RGS6: variants seen among roughly 807,000 people sequenced by gnomAD.
RGS6 encodes the protein regulator of G protein signaling 6, also known as regulator of G-protein signaling 6.
A neutral mutation model predicts 78.5 loss-of-function variants in RGS6; 30 were observed. That is an observed-to-expected ratio of 0.38 (90% confidence interval 0.29 to 0.52). The LOEUF (loss-of-function observed/expected upper bound fraction) is 0.52. Ranked by LOEUF, RGS6 falls within the 20% of genes least tolerant of loss-of-function variation. The probability of loss-of-function intolerance (pLI) is 0.85; values close to 1 mark genes in which losing one functional copy is unlikely to be tolerated. For missense variants in RGS6, 495 were observed against 609.7 expected (o/e 0.81, Z 1.98); for synonymous variants, 206 against 206.0 (o/e 1.00, Z 0.00).
chr14:72,348,959 G>A (rs914542985), intron 2 of RGS6, among the ~76,000 whole-genome samples: 2 of 152,128 alleles, frequency 1.3e-5, no homozygotes, highest in East Asian at 1.9e-4. Context: ...AAGGTCAGGA[G>A]ATCGAGACCA....
At chr14:72,496,840 C>T (rs2096651299) in intron 13 of RGS6, among the ~76,000 whole-genome samples, 1 of 151,646 alleles carries the variant, frequency 6.6e-6, no homozygotes, top group South Asian at 2.1e-4. Flanking sequence ...ATATATATAC[C>T]CAAATATGTA....
At chr14:72,389,213 T>A (rs2089246370) in intron 3 of RGS6, among the ~76,000 whole-genome samples, 1 of 152,152 alleles carries the variant, frequency 6.6e-6, no homozygotes. Context: ...GTGCTAATTG[T>A]CCCTGTCCCG....
At chr14:72,132,962 A>G (rs1344571079) in intron 2 of RGS6, among the ~76,000 whole-genome samples, 1 of 152,070 alleles carries the variant, frequency 6.6e-6, no homozygotes, top group Non-Finnish European at 1.5e-5. Context: ...TAGATGTTTA[A>G]ATCACGGTGG....
At chr14:72,342,623 G>A (rs1359153452) in intron 2 of RGS6, among the ~76,000 whole-genome samples, 1 of 149,512 alleles carries the variant, frequency 6.7e-6, no homozygotes, top group Non-Finnish European at 1.5e-5. Flanking sequence ...CCAGCTACTT[G>A]GGATGCTGAG....
intron 16 of RGS6, among the ~76,000 whole-genome samples, 171 bp from the exon 17 acceptor site, chr14:72,539,870 C>T (rs1232877889): frequency 2.6e-5 from 4 of 152,226 alleles, no homozygotes; most frequent in African/African-American, 9.6e-5. Context: ...CTGTCTCTCC[C>T]ATTGACTCTT....
intron 3 of RGS6, among the ~76,000 whole-genome samples, chr14:72,396,649 G>A (rs1043984144): frequency 2.6e-5 from 4 of 152,118 alleles, no homozygotes; most frequent in African/African-American, 9.7e-5. Context: ...TATTGCCTAG[G>A]TTTTCTTGTA....
At chr14:72,575,870 C>T in the RGS6 span, among the ~76,000 whole-genome samples, 170 of 152,332 alleles carry the variant, frequency 1.1e-3, no homozygotes, top group African/African-American at 3.8e-3. Flanking sequence ...CCTATCTGAG[C>T]CCCAGATCGA....
chr14:72,607,341 G>A, the RGS6 span, among the ~76,000 whole-genome samples: 1 of 152,216 alleles, frequency 6.6e-6, no homozygotes, highest in South Asian at 2.1e-4. Context: ...TCGGTGTCCA[G>A]CAAGGGCCTG....
chr14:72,071,775 G>A (rs2094416625), intron 2 of RGS6, among the ~76,000 whole-genome samples: 1 of 152,068 alleles, frequency 6.6e-6, no homozygotes, highest in Non-Finnish European at 1.5e-5. Context: ...TCTTCATATT[G>A]CTACATTTGA....
intron 2 of RGS6, among the ~76,000 whole-genome samples, chr14:72,166,093 GACACACAC>G (rs3055029): frequency 0.02 from 2,163 of 107,770 alleles, 25 homozygotes; most frequent in African/African-American, 0.05. Flanking sequence ...CCATTTTTGA[GACACACAC>G]ACACACACAC....
At chr14:72,273,764 T>C (rs1436041796) in intron 2 of RGS6, among the ~76,000 whole-genome samples, 1 of 152,212 alleles carries the variant, frequency 6.6e-6, no homozygotes, top group Non-Finnish European at 1.5e-5. Context: ...TTTGGGTGGC[T>C]GTGAGCAGAT....
intron 2 of RGS6, among the ~76,000 whole-genome samples, chr14:72,036,964 G>T (rs1443645244): frequency 3.9e-5 from 6 of 152,174 alleles, no homozygotes; most frequent in Admixed American, 3.9e-4. Flanking sequence ...GGTGTAGCCA[G>T]CTGGGCTTCT....
intron 2 of RGS6, among the ~76,000 whole-genome samples, chr14:71,978,969 A>C (rs907373544): frequency 6.8e-6 from 1 of 147,148 alleles, no homozygotes; most frequent in Admixed American, 6.8e-5. Context: ...CAGAGATTCA[A>C]CTTCTTCCTG....
intron 2 of RGS6, among the ~76,000 whole-genome samples, chr14:72,002,345 G>T (rs925549035): frequency 1.3e-5 from 2 of 152,180 alleles, no homozygotes; most frequent in Admixed American, 6.5e-5. Context: ...CTAAAGGTCA[G>T]ATTTTCCAGC....
At chr14:72,498,516 T>A (rs747107037) in intron 13 of RGS6, among the ~76,000 whole-genome samples, 3 of 152,202 alleles carry the variant, frequency 2.0e-5, no homozygotes, top group Non-Finnish European at 2.9e-5. Context: ...AGCCAATTAA[T>A]TCAGAATTTC....
intron 2 of RGS6, among the ~76,000 whole-genome samples, chr14:72,055,754 G>C (rs2093588761): frequency 6.6e-6 from 1 of 152,020 alleles, no homozygotes; most frequent in Non-Finnish European, 1.5e-5. Flanking sequence ...ATAAGCTCAG[G>C]GTAGCCTGAT....
chr14:72,606,718 A>C, the RGS6 span, among the ~76,000 whole-genome samples: 1 of 152,162 alleles, frequency 6.6e-6, no homozygotes, highest in Non-Finnish European at 1.5e-5. Context: ...CCAGTGTTGG[A>C]GGTGGGGCCT....
intron 2 of RGS6, among the ~76,000 whole-genome samples, chr14:72,131,924 G>T (rs1330163411): frequency 6.6e-6 from 1 of 152,296 alleles, no homozygotes; most frequent in Admixed American, 6.5e-5. Flanking sequence ...ACTGTCGGTT[G>T]TTTTTTAAAA....
Position 72,187,168 on chromosome 14 carries a change from A to T in RGS6, c.85-164927A>T, listed in dbSNP as rs184409947. Among the ~76,000 whole-genome samples, 1,246 of 152,320 alleles carry T rather than the reference A, an allele frequency of 8.2e-3. 5 individuals are homozygous for T. The highest frequency in any genetic ancestry group is 0.013 in the Non-Finnish European group (904 of 68,024). On this transcript the variant is annotated intron_variant, in intron 2 of 17. Transcript: ENST00000553525. ...ATTCAAATAGATGCATTGATTTTTT[A>T]AAAAAATCTACAGTTAACATCAAGA...
Sources: allele counts gnomAD v4.1 joint callset (sites outside exome capture counted in the v4.1 genomes callset), GRCh38; gene constraint gnomAD v4.1.1; transcripts MANE v1.5; gene names NCBI Gene and HGNC (gene_info 2026-07-23, HGNC 2026-07-21).